RBFOX1: variants seen among roughly 807,000 people sequenced by gnomAD.
RBFOX1 encodes RNA binding fox-1 homolog 1, also known as RNA binding protein fox-1 homolog 1.
In RBFOX1, 8 loss-of-function variants were observed where a neutral mutation model predicts 57.7. The observed-to-expected ratio is 0.14, with a 90% confidence interval of 0.08 to 0.25. RBFOX1 has a LOEUF of 0.25. Among genes scored for constraint, RBFOX1 ranks in the 10% least tolerant of loss-of-function variants. RBFOX1 has a pLI of 1.00. For synonymous variants in RBFOX1, 326 were observed against 222.4 expected (o/e 1.47, Z -4.15); for missense variants, 611 against 548.5 (o/e 1.11, Z -1.14).
At chr16:6,828,469 A>T (rs1309422228) in intron 3 of RBFOX1, among the ~76,000 whole-genome samples, 2 of 152,026 alleles carry the variant, frequency 1.3e-5, no homozygotes, top group African/African-American at 2.4e-5. Flanking sequence ...GGTTGCAGTC[A>T]GTCGACATCA....
chr16:6,339,077 C>T (rs986535731), intron 2 of RBFOX1, among the ~76,000 whole-genome samples: 2 of 152,106 alleles, frequency 1.3e-5, no homozygotes, highest in Non-Finnish European at 2.9e-5. Context: ...AATGTATGTG[C>T]ATGCAGTGAA....
At chr16:7,156,491 A>G (rs143231953) in intron 4 of RBFOX1, among the ~76,000 whole-genome samples, 3 of 152,160 alleles carry the variant, frequency 2.0e-5, no homozygotes, top group Admixed American at 6.5e-5. Flanking sequence ...ATACACATCT[A>G]TGTGTGCATA....
chr16:6,895,416 ATATG>A lies in RBFOX1; in HGVS notation c.-15-156639_-15-156636del, dbSNP rs1408396252. 7.1e-3 allele frequency among the ~76,000 whole-genome samples: 564 copies of A among 79,580 alleles called. 10 individuals carry two copies. The highest frequency in any genetic ancestry group is 0.024 in the East Asian group (61 of 2,524). The allele number at this position is 79,580 out of a possible 152,430, so 52.2% of individuals were successfully genotyped here. Reference sequence around the variant, plus strand: ...GCCTCAGCCACTAGTTGTTAGTAATATATGTGTGTGTGTGTGTGTGTGTGTGTGT... The same window carrying A: ...GCCTCAGCCACTAGTTGTTAGTAATATGTGTGTGTGTGTGTGTGTGTGTGT... On this transcript the variant is annotated intron_variant, in intron 3 of 15. Transcript: ENST00000550418.
intron 1 of RBFOX1, among the ~76,000 whole-genome samples, chr16:6,186,247 C>T (rs933492993): frequency 5.3e-5 from 8 of 152,086 alleles, no homozygotes; most frequent in Non-Finnish European, 8.8e-5. Context: ...TAGACTGATT[C>T]ATGAAGAAAT....
At chr16:7,277,180 C>T (rs1245524055) in intron 4 of RBFOX1, among the ~76,000 whole-genome samples, 1 of 152,082 alleles carries the variant, frequency 6.6e-6, no homozygotes, top group East Asian at 1.9e-4. Context: ...ATGCAATTAA[C>T]CGACTTTTAT....
chr16:7,377,067 A>G (rs1195103435), intron 4 of RBFOX1, among the ~76,000 whole-genome samples: 2 of 152,220 alleles, frequency 1.3e-5, no homozygotes, highest in East Asian at 3.8e-4. Flanking sequence ...AATGTTTAAA[A>G]TTAGCTTTCA....
At chr16:5,585,671 C>T (rs76134914) in intron 2 of RBFOX1, among the ~76,000 whole-genome samples, 4,860 of 152,254 alleles carry the variant, frequency 0.032, 233 homozygotes, top group African/African-American at 0.11. Context: ...ATGGGGTGAC[C>T]CTGACTTCCC....
intron 4 of RBFOX1, among the ~76,000 whole-genome samples, chr16:5,890,877 G>A (rs920977414): frequency 3.9e-5 from 6 of 152,172 alleles, no homozygotes; most frequent in East Asian, 1.9e-4. Flanking sequence ...AATGGAATAC[G>A]GTCAAACAGA....
chr16:6,355,631 A>G (rs970579428), intron 2 of RBFOX1, among the ~76,000 whole-genome samples: 5 of 152,148 alleles, frequency 3.3e-5, no homozygotes, highest in African/African-American at 7.2e-5. Context: ...ATGATTTATA[A>G]TCCTTTGAGT....
intron 4 of RBFOX1, among the ~76,000 whole-genome samples, chr16:7,486,789 A>G (rs1240667319): frequency 7.2e-5 from 11 of 152,310 alleles, no homozygotes; most frequent in Non-Finnish European, 1.2e-4. Flanking sequence ...AAGCTATGCA[A>G]TAGTCAGGGT....
chr16:5,358,884 T>C (rs759505081), intron 1 of RBFOX1, among the ~76,000 whole-genome samples: 1 of 152,212 alleles, frequency 6.6e-6, no homozygotes, highest in Admixed American at 6.5e-5. Flanking sequence ...CTCATTGTGT[T>C]ATCAAATACT....
chr16:7,537,548 C>T (rs539467410), intron 5 of RBFOX1, among the ~76,000 whole-genome samples: 2 of 152,216 alleles, frequency 1.3e-5, no homozygotes, highest in African/African-American at 4.8e-5. Context: ...CTGCCACCTT[C>T]TTCTAAGGGG....
At chr16:7,376,961 A>G (rs1168289672) in intron 4 of RBFOX1, among the ~76,000 whole-genome samples, 1 of 152,154 alleles carries the variant, frequency 6.6e-6, no homozygotes, top group Non-Finnish European at 1.5e-5. Context: ...TAAACATAGT[A>G]TCCTTGTATG....
rs545744224 is a variant in RBFOX1 at position 7,014,437 on chromosome 16, G to A, written c.-15-37620G>A. ...TTTATTTTTTTTTAAAGTAGGGGTG[G>A]GGTTTTACCATGTTGGCCAGGCTGA... On this transcript the variant is annotated intron_variant, in intron 3 of 15. Coordinates refer to ENST00000550418, the MANE Select transcript of RBFOX1 (RefSeq NM_018723.4). 9.6e-4 allele frequency among the ~76,000 whole-genome samples: 145 copies of A among 151,160 alleles called. 1 individual carries two copies. In the South Asian group the frequency reaches 0.017, roughly 18 times the overall value.
chr16:5,472,187 T>C (rs1039219832), intron 2 of RBFOX1, among the ~76,000 whole-genome samples: 2 of 152,130 alleles, frequency 1.3e-5, no homozygotes, highest in Non-Finnish European at 2.9e-5. Context: ...ACCTCTGTGG[T>C]TGGCAGCACC....
chr16:6,630,041 G>C (rs962705809), intron 2 of RBFOX1, among the ~76,000 whole-genome samples: 2 of 149,338 alleles, frequency 1.3e-5, no homozygotes, highest in Non-Finnish European at 3.0e-5. Flanking sequence ...AGTGTCATCT[G>C]CCTGAAAAAT....
intron 3 of RBFOX1, among the ~76,000 whole-genome samples, chr16:6,923,291 TG>T (rs1351519373): frequency 2.0e-5 from 3 of 152,112 alleles, no homozygotes; most frequent in African/African-American, 7.2e-5. Context: ...CCCAGAACTT[TG>T]GGATGCCAAG....
intron 3 of RBFOX1, among the ~76,000 whole-genome samples, chr16:5,623,962 C>T (rs9922260): frequency 6.6e-6 from 1 of 152,276 alleles, no homozygotes; most frequent in Non-Finnish European, 1.5e-5. Flanking sequence ...TAGAACATTT[C>T]CATCATCCCC....
chr16:7,407,050 G>A (rs560222934), intron 4 of RBFOX1, among the ~76,000 whole-genome samples: 34 of 152,190 alleles, frequency 2.2e-4, no homozygotes, highest in Non-Finnish European at 4.6e-4. Flanking sequence ...TCCCCATCTC[G>A]AGACCCTGAT....
Sources: allele counts gnomAD v4.1 joint callset (sites outside exome capture counted in the v4.1 genomes callset), GRCh38; gene constraint gnomAD v4.1.1; transcripts MANE v1.5; gene names NCBI Gene and HGNC (gene_info 2026-07-23, HGNC 2026-07-21).